The following AFF2 variants were observed in gnomAD, a reference collection of about 807,000 sequenced individuals.
AFF2 encodes ALF transcription elongation factor 2.
A neutral mutation model predicts 76.9 loss-of-function variants in AFF2; 14 were observed. That is an observed-to-expected ratio of 0.18 (90% CI 0.12 to 0.28). The LOEUF (loss-of-function observed/expected upper bound fraction) is 0.28. AFF2 is among the 10% of genes least tolerant of loss of function. AFF2 has a pLI of 1.00. For synonymous variants in AFF2, 398 were observed against 366.7 expected (o/e 1.09, Z -0.98); for missense variants, 868 against 1,001.1 (o/e 0.87, Z 1.79).
At chrX:148,935,224 A>G (rs1327258918) in intron 9 of AFF2, among the ~76,000 whole-genome samples, 1 of 110,699 alleles carries the variant, frequency 9.0e-6, no homozygotes, top group Non-Finnish European at 1.9e-5. Flanking sequence ...GACAAAAAAT[A>G]TTTATATGCA....
At chrX:148,517,783 C>T (rs1484282124) in intron 1 of AFF2, among the ~76,000 whole-genome samples, 1 of 109,835 alleles carries the variant, frequency 9.1e-6, no homozygotes, top group Non-Finnish European at 1.9e-5. Context: ...TTTGGGAGGC[C>T]GAGGCAGGCG....
At chrX:148,950,267 C>T (rs782389233) in intron 9 of AFF2, among the ~76,000 whole-genome samples, 150 of 112,223 alleles carry the variant, frequency 1.3e-3, no homozygotes, top group Non-Finnish European at 2.4e-3. Flanking sequence ...GGCCCAGACT[C>T]AGATGTAAAG....
At chrX:148,702,886 C>A (rs1036300822) in intron 3 of AFF2, among the ~76,000 whole-genome samples, 3 of 112,109 alleles carry the variant, frequency 2.7e-5, no homozygotes, top group African/African-American at 6.5e-5. Context: ...GAACTGTTTG[C>A]TCGAGATACG....
intron 1 of AFF2, among the ~76,000 whole-genome samples, chrX:148,553,040 T>G (rs1325269422): frequency 1.8e-5 from 2 of 111,883 alleles, no homozygotes; most frequent in Non-Finnish European, 3.8e-5. Flanking sequence ...TGGTGGGGAT[T>G]TAAAAAATGC....
chrX:148,944,775 AC>A (rs2071880654), intron 9 of AFF2, among the ~76,000 whole-genome samples: 3 of 110,464 alleles, frequency 2.7e-5, no homozygotes, highest in Non-Finnish European at 3.8e-5. Flanking sequence ...CTCACCATGT[AC>A]CATGGTGAGG....
intron 3 of AFF2, among the ~76,000 whole-genome samples, chrX:148,701,106 G>C (rs2054793473): frequency 9.3e-6 from 1 of 107,335 alleles, no homozygotes; most frequent in Non-Finnish European, 1.9e-5. Flanking sequence ...TGCCTTGGTG[G>C]ATTCCACTCA....
At chrX:148,930,477 G>A (rs2071699364) in intron 9 of AFF2, among the ~76,000 whole-genome samples, 2 of 111,961 alleles carry the variant, frequency 1.8e-5, no homozygotes, top group African/African-American at 6.5e-5. Flanking sequence ...AGGCCATTGT[G>A]AAATGTCCAC....
rs781860164 is a variant in AFF2 at position 148,961,693 on chromosome X, T to C, written c.2691-1022T>C. Among the ~76,000 whole-genome samples the C allele has an allele frequency of 3.6e-5, 4 of 112,570 alleles. No individual in the cohort carries two copies. The South Asian group carries it at 1.5e-3, about 41-fold the overall frequency. Reference sequence around the variant, plus strand: ...TCATCTTTGATTTGTTGCTTTGAGATATTGTAAATCTATATTTCTAGACAC... The same window carrying C: ...TCATCTTTGATTTGTTGCTTTGAGACATTGTAAATCTATATTTCTAGACAC... On this transcript the variant is annotated intron_variant, in intron 12 of 20. Coordinates refer to ENST00000370460, the MANE Select transcript of AFF2 (RefSeq NM_002025.4).
At chrX:148,831,493 C>T (rs920358907) in intron 4 of AFF2, among the ~76,000 whole-genome samples, 56 of 112,182 alleles carry the variant, frequency 5.0e-4, no homozygotes, top group Non-Finnish European at 8.1e-4. Context: ...GCTGGTCCCT[C>T]CATTTGGGGT....
intron 9 of AFF2, among the ~76,000 whole-genome samples, chrX:148,933,843 C>A (rs1351801695): frequency 9.0e-6 from 1 of 111,441 alleles, no homozygotes; most frequent in African/African-American, 3.3e-5. Flanking sequence ...TATCTATTAC[C>A]AATATTGAGG....
chrX:148,501,941 C>T (rs2052358627), intron 1 of AFF2, among the ~76,000 whole-genome samples: 2 of 112,223 alleles, frequency 1.8e-5, no homozygotes, highest in African/African-American at 6.5e-5. Context: ...TCACAAAATA[C>T]CCTAAACTTG....
At chrX:148,560,958 C>T (rs2053106125) in intron 1 of AFF2, among the ~76,000 whole-genome samples, 1 of 111,463 alleles carries the variant, frequency 9.0e-6, no homozygotes, top group South Asian at 3.7e-4. Context: ...TCTGGTCATC[C>T]ATCAATACTT....
At position 148,547,067 on chromosome X, in the gene AFF2, G is replaced by A. The variant is rs2052929618; in HGVS notation, c.47+45923G>A. On this transcript the variant is annotated intron_variant, in intron 1 of 20. Transcript: ENST00000370460. ...ATACCCACAAACACCGTAAAAAGTA[G>A]ACAGAATTAAGAAGTATGAGAGCTA... 3 of 111,896 alleles carry A rather than the reference G, an allele frequency of 2.7e-5. No homozygotes were observed. In the Admixed American group the frequency reaches 2.8e-4, roughly 11 times the overall value. The allele number at this position is 111,896 out of a possible 1,213,427, so 9.2% of individuals were successfully genotyped here.
At chrX:148,664,053 C>T (rs998914940) in intron 3 of AFF2, among the ~76,000 whole-genome samples, 7 of 111,781 alleles carry the variant, frequency 6.3e-5, no homozygotes, top group Admixed American at 9.5e-5. Context: ...GCCTTTGAAC[C>T]ACCTGTGAGC....
At chrX:148,538,225 T>TGTA (rs1281715737) in intron 1 of AFF2, among the ~76,000 whole-genome samples, 1 of 112,937 alleles carries the variant, frequency 8.9e-6, no homozygotes, top group Non-Finnish European at 1.9e-5. Flanking sequence ...TTTCCCTGTG[T>TGTA]GTAAGGCATT....
intron 1 of AFF2, among the ~76,000 whole-genome samples, chrX:148,628,931 A>G (rs1557252613): frequency 8.9e-6 from 1 of 112,117 alleles, no homozygotes; most frequent in African/African-American, 3.2e-5. Context: ...AGGAGTGAGC[A>G]TTTGCTCTAT....
intron 1 of AFF2, among the ~76,000 whole-genome samples, chrX:148,552,722 C>A (rs2053009191): frequency 8.9e-6 from 1 of 112,203 alleles, no homozygotes; most frequent in Non-Finnish European, 1.9e-5. Context: ...GGCTTGACAG[C>A]ACAGATAGAT....
chrX:148,872,248 G>A (rs782297933), intron 7 of AFF2, among the ~76,000 whole-genome samples: 3 of 111,221 alleles, frequency 2.7e-5, no homozygotes, highest in Non-Finnish European at 3.8e-5. Context: ...TTATCACCCC[G>A]AAAGAATCTT....
At chrX:148,843,075 A>T in intron 6 of AFF2, 73 bp downstream of exon 6, 3 of 843,130 alleles carry the variant, frequency 3.6e-6, no homozygotes, top group Non-Finnish European at 5.1e-6. Context: ...CCTTTTTCCT[A>T]CTTAAAATCA....
Sources: allele counts gnomAD v4.1 joint callset (sites outside exome capture counted in the v4.1 genomes callset), GRCh38; gene constraint gnomAD v4.1.1; transcripts MANE v1.5; gene names NCBI Gene and HGNC (gene_info 2026-07-23, HGNC 2026-07-21).